SLC6A13: variants seen among roughly 807,000 people sequenced by gnomAD.
SLC6A13 encodes the protein sodium- and chloride-dependent GABA transporter 2.
SLC6A13 carries 69 observed loss-of-function variants against 72.9 expected under a neutral mutation model. The observed-to-expected ratio is 0.95, with a 90% CI of 0.78 to 1.16. The LOEUF (loss-of-function observed/expected upper bound fraction) is 1.16, where lower values mean the gene tolerates loss of function less well. SLC6A13 is among the 50% of genes most tolerant of loss of function. The probability of loss-of-function intolerance (pLI) is 0.00; values close to 1 mark genes in which losing one functional copy is unlikely to be tolerated. For synonymous variants in SLC6A13, 303 were observed against 303.0 expected, an observed-to-expected ratio of 1.00 and a Z score of 0.00; for missense variants, 735 against 760.5, an observed-to-expected ratio of 0.97 and a Z score of 0.39.
chr12:257,900 G>T (rs1246453454), intron 2 of SLC6A13, among the ~76,000 whole-genome samples: 1 of 152,162 alleles, frequency 6.6e-6, no homozygotes, highest in East Asian at 1.9e-4. Flanking sequence ...ATTCCAGAGA[G>T]GCTTGGGGAA....
At chr12:235,887 T>C (rs1379031184) in intron 6 of SLC6A13, among the ~76,000 whole-genome samples, 6 of 152,196 alleles carry the variant, frequency 3.9e-5, no homozygotes, top group African/African-American at 1.2e-4. Context: ...TGGGAATGTC[T>C]GTCTTATGCA....
At chr12:244,075 T>C (rs1942264772) in intron 2 of SLC6A13, among the ~76,000 whole-genome samples, 1 of 152,234 alleles carries the variant, frequency 6.6e-6, no homozygotes, top group Admixed American at 6.5e-5. Flanking sequence ...CACTGAACAA[T>C]TACTGCTTAA....
chr12:223,886 CAGA>C, intron 11 of SLC6A13, 103 bp downstream of exon 11: 1 of 1,332,848 alleles, frequency 7.5e-7, no homozygotes, highest in Non-Finnish European at 1.1e-6. Flanking sequence ...TCCAGAAGCC[CAGA>C]AGACCTGCCC....
Position 242,669 on chromosome 12 carries a change from G to C in SLC6A13, c.423C>G (p.Phe141Leu). 2 of 1,613,292 alleles carry C rather than the reference G, an allele frequency of 1.2e-6. No individual in the cohort carries two copies. Among genetic ancestry groups the C allele is most frequent in the Non-Finnish European group, 1.7e-6 (2 of 1,179,700 alleles). Residue 141 changes from phenylalanine (F) to leucine (L), a missense_variant, in exon 4 of 15, where the codon TTC becomes TTG. By Grantham distance (22) the Phe-to-Leu change is conservative (BLOSUM62 0). Transcript: ENST00000343164. Reference protein sequence around the residue: ...IVLAWALFYLFSSFTIDLPWG... With the variant: ...IVLAWALFYLLSSFTIDLPWG... Reference sequence around the variant, plus strand: ...AGGGCAGGTCGATGGTGAAGCTGCTGAAGAGGTAGAACAGGGCCCAGGCCA... The same window carrying C: ...AGGGCAGGTCGATGGTGAAGCTGCTCAAGAGGTAGAACAGGGCCCAGGCCA...
At chr12:235,050 C>A in intron 7 of SLC6A13, 40 bp downstream of exon 7, 1 of 1,613,164 alleles carries the variant, frequency 6.2e-7, no homozygotes, top group South Asian at 1.1e-5. Flanking sequence ...GCTCAGTTGC[C>A]CTGGGAGTCA....
chr12:246,381 G>A (rs1160633056), intron 2 of SLC6A13, among the ~76,000 whole-genome samples: 3 of 152,028 alleles, frequency 2.0e-5, no homozygotes, highest in Admixed American at 2.0e-4. Context: ...TACCAGGTCT[G>A]GTATTCAATC....
At position 228,592 on chromosome 12, in the gene SLC6A13, C is replaced by A. The variant is rs117162711; in HGVS notation, c.832-924G>T. On this transcript the variant is annotated intron_variant, in intron 7 of 14. Transcript: ENST00000343164. The stretch of plus-strand genomic sequence containing the variant: ...CCTGCTTTCCACAAAACCCTCTATC[C>A]TTTCATCACTCTCTTCCGCTAATAT... 7.2e-3 allele frequency among the ~76,000 whole-genome samples: 1,096 copies of A among 152,314 alleles called. 6 individuals carry two copies. Among genetic ancestry groups the A allele is most frequent in the Non-Finnish European group, 0.011 (770 of 68,010 alleles).
intron 4 of SLC6A13, among the ~76,000 whole-genome samples, chr12:241,259 C>T (rs200765140): frequency 4.6e-5 from 7 of 152,082 alleles, no homozygotes; most frequent in East Asian, 3.9e-4. Context: ...GCCAAGATCG[C>T]GCCACTGCAC....
chr12:232,270 T>TA (rs1941739360), intron 7 of SLC6A13, among the ~76,000 whole-genome samples: 1 of 152,194 alleles, frequency 6.6e-6, no homozygotes, highest in Admixed American at 6.5e-5. Flanking sequence ...CTCTCCGGCC[T>TA]ACCCGCAGAC....
At position 254,627 on chromosome 12, in the gene SLC6A13, C is replaced by G. The variant is rs1942675275; in HGVS notation, c.202+5224G>C. Among the ~76,000 whole-genome samples the G allele has an allele frequency of 6.6e-6, 1 of 152,190 alleles. No homozygotes were observed. Among genetic ancestry groups the G allele is most frequent in the South Asian group, 2.1e-4 (1 of 4,834 alleles). ...GCTTTACCAGTTTCTCATTTTCTGT[C>G]TCCTCTGCTGGTTTCCCATCTTCTC... On this transcript the variant is annotated intron_variant, in intron 2 of 14. Transcript: ENST00000343164. This position sits in a 1 kb window ranked among gnomAD's most constrained non-coding sequence, Gnocchi z 4.4.
chr12:262,514 G>T (rs75028535), intron 1 of SLC6A13: 253 of 181,792 alleles, frequency 1.4e-3, no homozygotes, highest in Admixed American at 3.5e-3. Context: ...AGAGAAGAAA[G>T]ACTTTGTTTT....
intron 1 of SLC6A13, among the ~76,000 whole-genome samples, chr12:261,166 T>C (rs1942914802): frequency 6.6e-6 from 1 of 152,246 alleles, no homozygotes; most frequent in Admixed American, 6.5e-5. Context: ...TCCAGACCAC[T>C]GTTGGGATTG....
chr12:241,332 G>C (rs949793253), intron 4 of SLC6A13, among the ~76,000 whole-genome samples: 6 of 152,082 alleles, frequency 3.9e-5, no homozygotes, highest in Non-Finnish European at 7.4e-5. Flanking sequence ...AGATAAAAAA[G>C]AAAGAATTAA....
intron 12 of SLC6A13, 59 bp downstream of exon 12, chr12:223,073 G>A: frequency 9.5e-7 from 1 of 1,053,036 alleles, no homozygotes; most frequent in Non-Finnish European, 1.4e-6. Context: ...TCGTGTCTAA[G>A]GACCCCAAGA....
At chr12:222,684 CA>C (rs1263789580) in intron 12 of SLC6A13, 52 bp from the exon 13 acceptor site, 1 of 1,156,064 alleles carries the variant, frequency 8.7e-7, no homozygotes, top group African/African-American at 1.5e-5. Flanking sequence ...CTTTGGCACC[CA>C]GGACATCAGG....
chr12:224,167 C>A (rs755271879), intron 10 of SLC6A13, 38 bp from the exon 11 acceptor site: 2 of 1,612,354 alleles, frequency 1.2e-6, no homozygotes, highest in African/African-American at 2.7e-5. Flanking sequence ...GGAAGGAGAG[C>A]TCCCGAGATG....
rs182142648 is a variant in SLC6A13, at chr12:261,649, G to A, written c.-6+1140C>T. On this transcript the variant is annotated intron_variant, in intron 1 of 14. Coordinates refer to ENST00000343164, the MANE Select transcript of SLC6A13 (RefSeq NM_016615.5). ...AAATTAGAAAGTCAGTGAACAGGCC[G>A]GGTGCAATGGCTCACGCCTGTAATC... is the stretch of plus-strand genomic sequence containing the variant. Among the ~76,000 whole-genome samples the A allele has an allele frequency of 2.7e-4, 41 of 152,316 alleles. No individual in the cohort carries two copies. In the East Asian group the frequency reaches 4.2e-3, roughly 16 times the overall value.
At chr12:250,830 CCCCAA>C (rs751038178) in intron 2 of SLC6A13, among the ~76,000 whole-genome samples, 1 of 4,598 alleles carries the variant, frequency 2.2e-4, no homozygotes, top group Non-Finnish European at 1.5e-3. Flanking sequence ...CAAAATAGCC[CCCCAA>C]AAAAAAAAAA....
chr12:224,250 C>A, intron 10 of SLC6A13, 121 bp from the exon 11 acceptor site: 1 of 1,437,366 alleles, frequency 7.0e-7, no homozygotes, highest in Non-Finnish European at 9.6e-7. Flanking sequence ...GTCCCCTGAG[C>A]TATTGTCCTT....
Sources: gnomAD v4.1 joint callset for allele counts (sites outside exome capture counted in the v4.1 genomes callset) on GRCh38, gnomAD v4.1.1 for gene constraint, Gnocchi (gnomAD v3.1) non-coding constraint, MANE v1.5 for transcripts, NCBI Gene and HGNC (gene_info 2026-07-23, HGNC 2026-07-21) for gene names.